The following NUP153 variants were observed in gnomAD, a reference collection of about 807,000 sequenced individuals.
NUP153 encodes the protein nucleoporin 153.
A neutral mutation model predicts 134.6 loss-of-function variants in NUP153; 27 were observed. The observed-to-expected ratio is 0.20, with a 90% CI of 0.15 to 0.28. The LOEUF is 0.28. Among genes scored for constraint, NUP153 ranks in the 10% least tolerant of loss-of-function variants. NUP153 has a pLI of 1.00. For synonymous variants in NUP153, 640 were observed against 623.5 expected (o/e 1.03, Z -0.40); for missense variants, 1,821 against 1,731.3 (o/e 1.05, Z -0.92).
intron 8 of NUP153, among the ~76,000 whole-genome samples, chr6:17,668,347 T>C (rs906225363): frequency 6.6e-6 from 1 of 152,092 alleles, no homozygotes; most frequent in Non-Finnish European, 1.5e-5. Context: ...CCCAAAGTGC[T>C]AGGATTACAG....
intron 17 of NUP153, among the ~76,000 whole-genome samples, chr6:17,630,436 G>C (rs939975319): frequency 1.3e-4 from 20 of 152,158 alleles, no homozygotes; most frequent in Non-Finnish European, 1.9e-4. Flanking sequence ...AAGGCGGGCA[G>C]ATCACCCGAG....
intron 9 of NUP153, among the ~76,000 whole-genome samples, chr6:17,663,687 A>C (rs2113818945): frequency 6.6e-6 from 1 of 152,372 alleles, no homozygotes; most frequent in Non-Finnish European, 1.5e-5. Context: ...AAATCACTGT[A>C]CTAATCTTTC....
chr6:17,686,734 G>A lies in NUP153; in HGVS notation c.334+1662C>T, dbSNP rs1275966556. ...GAAAAAAAAAATTTTTTAAGTTTTT[G>A]AAGTAGATATCAAAATGCTGCCCAC... On this transcript the variant is annotated intron_variant, in intron 2 of 21. Coordinates refer to ENST00000262077, the MANE Select transcript of NUP153 (RefSeq NM_005124.4). Among the ~76,000 whole-genome samples, 7 of 151,818 alleles carry A rather than the reference G, an allele frequency of 4.6e-5. No homozygotes were observed. In the South Asian group the frequency reaches 6.2e-4, roughly 14 times the overall value.
intron 12 of NUP153, among the ~76,000 whole-genome samples, chr6:17,648,594 G>A (rs560132019): frequency 4.3e-4 from 65 of 152,200 alleles, no homozygotes; most frequent in African/African-American, 1.5e-3. Flanking sequence ...TCCAGCCTGG[G>A]TGACAGGGCG....
At chr6:17,652,896 G>A (rs1766588204) in intron 11 of NUP153, among the ~76,000 whole-genome samples, 1 of 152,140 alleles carries the variant, frequency 6.6e-6, no homozygotes, top group South Asian at 2.1e-4. Context: ...GGGCGTGGTG[G>A]CGCACACCTG....
chr6:17,669,045 A>AC lies in NUP153; in HGVS notation c.1015-18dup, dbSNP rs773393894. 5 of 1,453,004 alleles carry AC rather than the reference A, an allele frequency of 3.4e-6. No homozygotes were observed. Among genetic ancestry groups the AC allele is most frequent in the Non-Finnish European group, 3.7e-6 (4 of 1,082,744 alleles). The allele number at this position is 1,453,004 out of a possible 1,614,324, so 90.0% of individuals were successfully genotyped here. A position where few individuals can be genotyped will look rare whatever the true frequency, so the allele number is the denominator to read the frequency against. On this transcript the variant is annotated splice_polypyrimidine_tract_variant and intron_variant, in intron 7 of 21. Transcript: ENST00000262077. ...ATCAAGAGGCTGAAAAAAAAAAAAAACACTATTAGAATAGATGGGGAGTTA... is the reference window on the plus strand; with the variant it reads ...ATCAAGAGGCTGAAAAAAAAAAAAAACCACTATTAGAATAGATGGGGAGTTA...
chr6:17,644,851 C>T (rs950035405), intron 14 of NUP153, among the ~76,000 whole-genome samples: 4 of 151,912 alleles, frequency 2.6e-5, no homozygotes, highest in African/African-American at 7.3e-5. Flanking sequence ...TTTGGGAGGC[C>T]GAGGCAGGCA....
chr6:17,702,251 T>G (rs1770159905), intron 1 of NUP153, among the ~76,000 whole-genome samples: 1 of 152,146 alleles, frequency 6.6e-6, no homozygotes, highest in South Asian at 2.1e-4. Flanking sequence ...CTCATGCCTG[T>G]AATACCAGCA....
intron 9 of NUP153, among the ~76,000 whole-genome samples, chr6:17,663,939 C>G (rs1561885933): frequency 6.6e-6 from 1 of 150,654 alleles, no homozygotes; most frequent in Non-Finnish European, 1.5e-5. Flanking sequence ...TCCACACACA[C>G]AAACACACAA....
chr6:17,701,610 G>A (rs567967055), intron 1 of NUP153, among the ~76,000 whole-genome samples: 5 of 149,462 alleles, frequency 3.3e-5, no homozygotes, highest in East Asian at 4.0e-4. Context: ...GCAGTGAGCC[G>A]AGGTCGCACC....
chr6:17,630,789 A>AGGGGAGAGGAGAGAAGAGAGC (rs1371339969), intron 17 of NUP153, among the ~76,000 whole-genome samples: 25 of 150,610 alleles, frequency 1.7e-4, no homozygotes, highest in Non-Finnish European at 3.0e-4. Flanking sequence ...GAGAAGAGAG[A>AGGGGAGAGGAGAGAAGAGAGC]AGACAGGAGA....
intron 1 of NUP153, among the ~76,000 whole-genome samples, chr6:17,701,268 G>A (rs560865926): frequency 4.2e-4 from 64 of 150,886 alleles, no homozygotes; most frequent in Non-Finnish European, 7.1e-4. Context: ...AGTGGCTCAC[G>A]CTTATAATCC....
intron 16 of NUP153, among the ~76,000 whole-genome samples, chr6:17,633,841 T>A (rs1387723189): frequency 6.6e-6 from 1 of 152,202 alleles, no homozygotes; most frequent in African/African-American, 2.4e-5. Flanking sequence ...TCTTCCATCT[T>A]GCCAACCAAA....
intron 1 of NUP153, among the ~76,000 whole-genome samples, chr6:17,702,938 G>A (rs185540234): frequency 1.4e-4 from 21 of 152,212 alleles, no homozygotes; most frequent in Non-Finnish European, 2.1e-4. Flanking sequence ...GGTGGCTCAC[G>A]CCTGTAATAC....
At chr6:17,641,071 G>A (rs1382398531) in intron 14 of NUP153, among the ~76,000 whole-genome samples, 4 of 151,864 alleles carry the variant, frequency 2.6e-5, no homozygotes, top group Non-Finnish European at 5.9e-5. Flanking sequence ...TTGCATCCTT[G>A]TATTTAGAGA....
chr6:17,691,507 G>A (rs1769271814), intron 1 of NUP153, among the ~76,000 whole-genome samples: 2 of 152,214 alleles, frequency 1.3e-5, no homozygotes, highest in Admixed American at 1.3e-4. Context: ...GCTCATGCCT[G>A]TAATCTCAGC....
rs899740631 is a variant in NUP153 at position 17,665,520 on chromosome 6, T to C, written c.1069-135A>G. 7 of 654,940 alleles carry C rather than the reference T, an allele frequency of 1.1e-5. No homozygotes were observed. The Admixed American group carries it at 2.2e-4, about 20-fold the overall frequency. The allele number at this position is 654,940 out of a possible 1,614,324, so 40.6% of individuals were successfully genotyped here. A position where few individuals can be genotyped will look rare whatever the true frequency, so the allele number is the denominator to read the frequency against. On this transcript the variant is annotated intron_variant, in intron 8 of 21. Coordinates refer to ENST00000262077, the MANE Select transcript of NUP153 (RefSeq NM_005124.4). The stretch of plus-strand genomic sequence containing the variant: ...GAAATATACAGTAGATACAAACAAA[T>C]AAGAGGAAAAACTGATAATAATGGA...
intron 20 of NUP153, among the ~76,000 whole-genome samples, chr6:17,617,769 T>C (rs1331888805): frequency 6.6e-6 from 1 of 151,828 alleles, no homozygotes. Flanking sequence ...CTTCTGAGCC[T>C]AGGAGGTCGA....
At position 17,629,363 on chromosome 6, in the gene NUP153, T is replaced by C. The variant is rs762540513; in HGVS notation, c.2836A>G (p.Met946Val). 3.1e-6 allele frequency: 5 copies of C among 1,612,704 alleles called. No homozygotes were observed. Among genetic ancestry groups the C allele is most frequent in the African/African-American group, 1.3e-5 (1 of 74,854 alleles). Residue 946 changes from methionine (M) to valine (V), a missense_variant, in exon 18 of 22, where the codon ATG (methionine) becomes GTG (valine). By Grantham distance (21) the Met-to-Val change is conservative. Coordinates refer to ENST00000262077, the MANE Select transcript of NUP153 (RefSeq NM_005124.4). ...VSSDSGSINP[M>V]SEGFKFSKPI... The stretch of plus-strand genomic sequence containing the variant: ...TTAGAAAATTTAAAGCCTTCACTCA[T>C]GGGGTTTATAGACCCAGAATCGGAT...
Sources: allele counts gnomAD v4.1 joint callset (sites outside exome capture counted in the v4.1 genomes callset), GRCh38; gene constraint gnomAD v4.1.1; transcripts MANE v1.5; gene names NCBI Gene and HGNC (gene_info 2026-07-23, HGNC 2026-07-21).